BLNK: variants seen among roughly 807,000 people sequenced by gnomAD.
BLNK encodes B cell linker.
A neutral mutation model predicts 73.5 loss-of-function variants in BLNK; 29 were observed. That is an observed-to-expected ratio of 0.39 (90% confidence interval 0.29 to 0.54). The LOEUF (loss-of-function observed/expected upper bound fraction) is 0.54, where lower values mean the gene tolerates loss of function less well. Among genes scored for constraint, BLNK ranks in the 20% least tolerant of loss-of-function variants. The pLI is 0.61. For missense variants in BLNK, 460 were observed against 562.8 expected, an observed-to-expected ratio of 0.82 and a Z score of 1.85; for synonymous variants, 176 against 200.8, an observed-to-expected ratio of 0.88 and a Z score of 1.04.
At chr10:96,233,406 T>C (rs999684262) in intron 3 of BLNK, among the ~76,000 whole-genome samples, 1 of 152,226 alleles carries the variant, frequency 6.6e-6, no homozygotes, top group South Asian at 2.1e-4. Context: ...AAAGTTTGGA[T>C]TATGCTGTTC....
At chr10:96,213,049 T>G (rs1180392768) in intron 8 of BLNK, among the ~76,000 whole-genome samples, 2 of 152,196 alleles carry the variant, frequency 1.3e-5, no homozygotes, top group Non-Finnish European at 2.9e-5. Flanking sequence ...CTATACCAGG[T>G]TAATAGCAAA....
At chr10:96,248,420 CAAA>C (rs1843140110) in intron 1 of BLNK, among the ~76,000 whole-genome samples, 1 of 152,100 alleles carries the variant, frequency 6.6e-6, no homozygotes, top group Admixed American at 6.5e-5. Context: ...TATATTTAAA[CAAA>C]TCTAAATCTA....
At chr10:96,251,998 C>T (rs1004429074) in intron 1 of BLNK, among the ~76,000 whole-genome samples, 1 of 152,114 alleles carries the variant, frequency 6.6e-6, no homozygotes, top group Non-Finnish European at 1.5e-5. Context: ...CCTGGAGATT[C>T]TCATTGGGTT....
At position 96,227,510 on chromosome 10, in the gene BLNK, G is replaced by A. The variant is rs781952347; in HGVS notation, c.261C>T (p.Pro87=). ...AGCTGTCATCAGCGTTCTCCTCGGC[G>A]GGCATCACGTACATCTCTGAGTCCG... ...EHSDSEMYVM[P]AEENADDSYE... The change falls in exon 5 of 17, where the codon CCC becomes CCT. Residue 87 remains proline, a synonymous_variant. Coordinates refer to ENST00000224337, the MANE Select transcript of BLNK (RefSeq NM_013314.4). 29 of 1,614,048 alleles carry A rather than the reference G, an allele frequency of 1.8e-5. No individual in the cohort carries two copies. The highest frequency in any genetic ancestry group is 2.7e-5 in the African/African-American group (2 of 74,948).
chr10:96,209,828 A>G lies in BLNK; in HGVS notation c.746+10T>C. The G allele has an allele frequency of 1.2e-6, 2 of 1,614,206 alleles. No homozygotes were observed. Among genetic ancestry groups the G allele is most frequent in the Non-Finnish European group, 1.7e-6 (2 of 1,180,016 alleles). On this transcript the variant is annotated intron_variant, in intron 9 of 16. Transcript: ENST00000224337. ...GATCTCAAAAGCTGCTTCCTGCAAC[A>G]GGTACTTACCCGGCCCGTGGCAACG... is the stretch of plus-strand genomic sequence containing the variant.
chr10:96,251,844 C>T (rs1204881975), intron 1 of BLNK, among the ~76,000 whole-genome samples: 2 of 152,036 alleles, frequency 1.3e-5, no homozygotes, highest in Non-Finnish European at 2.9e-5. Flanking sequence ...GTCTGAATCT[C>T]GAGAGATTTA....
intron 9 of BLNK, among the ~76,000 whole-genome samples, chr10:96,208,474 A>G (rs782051558): frequency 3.9e-4 from 59 of 152,280 alleles, no homozygotes; most frequent in Non-Finnish European, 6.9e-4. Context: ...TTTGAAAACC[A>G]CTGATGTGTG....
chr10:96,215,295 C>T, intron 8 of BLNK, 26 bp downstream of exon 8: 1 of 1,608,966 alleles, frequency 6.2e-7, no homozygotes, highest in Non-Finnish European at 8.5e-7. Context: ...GACGTAAAAC[C>T]AAACCAAATC....
intron 8 of BLNK, among the ~76,000 whole-genome samples, chr10:96,214,934 T>C (rs1201336554): frequency 6.6e-6 from 1 of 152,132 alleles, no homozygotes; most frequent in African/African-American, 2.4e-5. Flanking sequence ...GTGGCATAGC[T>C]GGTAACGGGG....
At chr10:96,207,963 A>G in intron 9 of BLNK, 64 bp from the exon 10 acceptor site, 5 of 1,521,316 alleles carry the variant, frequency 3.3e-6, no homozygotes, top group Non-Finnish European at 4.6e-6. Context: ...GCTATTTACC[A>G]TTATTTTAGT....
chr10:96,218,021 C>T (rs1467987968), intron 6 of BLNK, among the ~76,000 whole-genome samples: 5 of 152,322 alleles, frequency 3.3e-5, no homozygotes, highest in Admixed American at 3.3e-4. Context: ...CCTGTGGATA[C>T]ATCTAGCACC....
chr10:96,258,385 A>G (rs1244185295), intron 1 of BLNK, among the ~76,000 whole-genome samples: 1 of 152,170 alleles, frequency 6.6e-6, no homozygotes, highest in African/African-American at 2.4e-5. Context: ...CTGACTCCGA[A>G]TTTTGCCTAC....
chr10:96,202,286 T>C (rs1564815441), intron 13 of BLNK, among the ~76,000 whole-genome samples: 1 of 152,170 alleles, frequency 6.6e-6, no homozygotes, highest in Non-Finnish European at 1.5e-5. Context: ...TCATTCCAGC[T>C]GCTGGGCTGG....
At chr10:96,231,792 G>A (rs587674399) in intron 3 of BLNK, among the ~76,000 whole-genome samples, 1 of 150,460 alleles carries the variant, frequency 6.6e-6, no homozygotes, top group East Asian at 2.0e-4. Context: ...GAGCAGATAA[G>A]TCACATGCCC....
At chr10:96,267,135 A>G (rs191240041) in intron 1 of BLNK, among the ~76,000 whole-genome samples, 319 of 152,332 alleles carry the variant, frequency 2.1e-3, no homozygotes, top group South Asian at 0.015. Flanking sequence ...GCCTTTGAGA[A>G]TGTAACATAT....
intron 1 of BLNK, among the ~76,000 whole-genome samples, chr10:96,258,901 T>A (rs1324515995): frequency 6.6e-6 from 1 of 152,228 alleles, no homozygotes; most frequent in African/African-American, 2.4e-5. Flanking sequence ...TCTTAACCAT[T>A]TTTAAGTATC....
chr10:96,204,343 G>A (rs782125820), intron 12 of BLNK, 189 bp downstream of exon 12: 11 of 724,544 alleles, frequency 1.5e-5, no homozygotes, highest in Non-Finnish European at 2.6e-5. Flanking sequence ...AACCCAATTA[G>A]TAGGTCTCTG....
intron 15 of BLNK, among the ~76,000 whole-genome samples, chr10:96,197,941 GA>G (rs587641669): frequency 0.01 from 1,532 of 146,156 alleles, 34 homozygotes; most frequent in African/African-American, 0.036. Context: ...AAAAGAAAAA[GA>G]AAAAAAAATC....
At chr10:96,261,011 T>G (rs77738664) in intron 1 of BLNK, among the ~76,000 whole-genome samples, 1 of 151,872 alleles carries the variant, frequency 6.6e-6, no homozygotes, top group South Asian at 2.1e-4. Context: ...GCCCAGCTAA[T>G]TTTTTGTATT....
Sources: allele counts gnomAD v4.1 joint callset (sites outside exome capture counted in the v4.1 genomes callset), GRCh38; gene constraint gnomAD v4.1.1; transcripts MANE v1.5; gene names NCBI Gene and HGNC (gene_info 2026-07-23, HGNC 2026-07-21).